TAS2R1: variants seen among roughly 807,000 people sequenced by gnomAD.
TAS2R1 encodes the protein taste 2 receptor member 1, also known as taste receptor type 2 member 1.
For missense variants in TAS2R1, 370 were observed against 353.4 expected (o/e 1.05, Z -0.38); for synonymous variants, 141 against 134.2 (o/e 1.05, Z -0.35).
At chr5:9,774,965 C>T in the TAS2R1 span, among the ~76,000 whole-genome samples, 13 of 152,158 alleles carry the variant, frequency 8.5e-5, no homozygotes, top group African/African-American at 3.1e-4. Flanking sequence ...CCCTAGGGCT[C>T]TACAATCAGC....
chr5:9,736,862 G>A, the TAS2R1 span, among the ~76,000 whole-genome samples: 1 of 152,138 alleles, frequency 6.6e-6, no homozygotes, highest in Non-Finnish European at 1.5e-5. Context: ...CCCTGGATGG[G>A]AACTAGCCAC....
intron 1 of TAS2R1, among the ~76,000 whole-genome samples, chr5:9,711,167 T>C (rs1741728499): frequency 6.6e-6 from 1 of 151,866 alleles, no homozygotes; most frequent in Non-Finnish European, 1.5e-5. Context: ...TTCTGAGTAT[T>C]TATCTAAAAG....
At chr5:9,685,106 C>A (rs1163982481) in intron 1 of TAS2R1, among the ~76,000 whole-genome samples, 1 of 152,086 alleles carries the variant, frequency 6.6e-6, no homozygotes, top group Non-Finnish European at 1.5e-5. Flanking sequence ...ATCTGGAGAG[C>A]AGAAGGGTCT....
chr5:9,789,689 A>C, the TAS2R1 span, among the ~76,000 whole-genome samples: 1 of 144,912 alleles, frequency 6.9e-6, no homozygotes, highest in East Asian at 2.1e-4. Flanking sequence ...TGGATCTGGC[A>C]ATTTCTCCTG....
At chr5:9,657,996 G>A (rs946886633) in intron 2 of TAS2R1, among the ~76,000 whole-genome samples, 5 of 152,144 alleles carry the variant, frequency 3.3e-5, no homozygotes, top group Non-Finnish European at 7.4e-5. Context: ...ACTGATGAGG[G>A]CTGACACAGT....
chr5:9,873,494 T>C, the TAS2R1 span, among the ~76,000 whole-genome samples: 2 of 150,720 alleles, frequency 1.3e-5, no homozygotes, highest in African/African-American at 4.9e-5. Context: ...ATCAACCTAA[T>C]TCACAACAGC....
the TAS2R1 span, among the ~76,000 whole-genome samples, chr5:9,792,699 G>T: frequency 6.6e-6 from 1 of 152,050 alleles, no homozygotes; most frequent in African/African-American, 2.4e-5. Context: ...ACATGGCAGC[G>T]ATCATTAATC....
At chr5:9,668,139 C>T (rs1740676653) in intron 1 of TAS2R1, among the ~76,000 whole-genome samples, 1 of 152,094 alleles carries the variant, frequency 6.6e-6, no homozygotes, top group African/African-American at 2.4e-5. Flanking sequence ...CAAATATCAA[C>T]AGCAGAATCT....
At chr5:9,898,886 T>G in the TAS2R1 span, among the ~76,000 whole-genome samples, 1 of 152,208 alleles carries the variant, frequency 6.6e-6, no homozygotes, top group Non-Finnish European at 1.5e-5. Context: ...CAATAAAACT[T>G]ATCTGCAATA....
chr5:9,824,095 G>A, the TAS2R1 span, among the ~76,000 whole-genome samples: 4 of 152,256 alleles, frequency 2.6e-5, no homozygotes, highest in South Asian at 8.3e-4. Flanking sequence ...CACAGGCACT[G>A]CCAAAACATG....
chr5:9,751,503 T>C, the TAS2R1 span, among the ~76,000 whole-genome samples: 603 of 152,288 alleles, frequency 4.0e-3, 1 homozygote, highest in Non-Finnish European at 5.8e-3. Context: ...TTTTTCCTAA[T>C]TTTTGAAAAT....
the TAS2R1 span, among the ~76,000 whole-genome samples, chr5:9,817,893 G>A: frequency 6.6e-6 from 1 of 151,844 alleles, no homozygotes; most frequent in East Asian, 1.9e-4. Context: ...GAGGGGGAGG[G>A]GGAGGGGAAG....
At chr5:9,714,404 T>C (rs1351062583), upstream of TAS2R1, among the ~76,000 whole-genome samples, 4 of 152,208 alleles carry the variant, frequency 2.6e-5, no homozygotes, top group Non-Finnish European at 2.9e-5. Context: ...GATGTTGTTA[T>C]CTAACCATCT....
the TAS2R1 span, among the ~76,000 whole-genome samples, chr5:9,762,882 T>C: frequency 1.3e-5 from 2 of 152,160 alleles, no homozygotes; most frequent in African/African-American, 4.8e-5. Flanking sequence ...ACAGAAAGAA[T>C]TCTCTTTGGA....
chr5:9,750,332 T>C, the TAS2R1 span, among the ~76,000 whole-genome samples: 1 of 152,330 alleles, frequency 6.6e-6, no homozygotes, highest in South Asian at 2.1e-4. Flanking sequence ...TGCTGCTTTC[T>C]TAAAACATAG....
intron 1 of TAS2R1, among the ~76,000 whole-genome samples, chr5:9,672,194 G>T (rs1217259683): frequency 6.6e-6 from 1 of 152,138 alleles, no homozygotes; most frequent in African/African-American, 2.4e-5. Context: ...AACCCTTGAA[G>T]ATAACCTAGG....
At chr5:9,811,783 A>G in the TAS2R1 span, among the ~76,000 whole-genome samples, 1 of 152,174 alleles carries the variant, frequency 6.6e-6, no homozygotes, top group East Asian at 1.9e-4. Flanking sequence ...TGTGTTTCAT[A>G]GACATCTGAA....
intron 1 of TAS2R1, among the ~76,000 whole-genome samples, chr5:9,687,556 A>G (rs910338345): frequency 3.3e-5 from 5 of 151,672 alleles, no homozygotes; most frequent in African/African-American, 1.2e-4. Context: ...TGTTCTCTGA[A>G]GTTTCCCTTT....
chr5:9,790,000 A>G, the TAS2R1 span, among the ~76,000 whole-genome samples: 1 of 152,260 alleles, frequency 6.6e-6, no homozygotes, highest in Non-Finnish European at 1.5e-5. Flanking sequence ...GCCTCTGCCC[A>G]GAAGAAACAT....
Sources: gnomAD v4.1 joint callset for allele counts (sites outside exome capture counted in the v4.1 genomes callset) on GRCh38, gnomAD v4.1.1 for gene constraint, MANE v1.5 for transcripts, NCBI Gene and HGNC (gene_info 2026-07-23, HGNC 2026-07-21) for gene names.